The following RFX3 variants were observed in gnomAD, a reference collection of about 807,000 sequenced individuals.
RFX3 encodes the protein regulatory factor X3, also known as transcription factor RFX3.
A neutral mutation model predicts 98.6 loss-of-function variants in RFX3; 14 were observed. The ratio of observed to expected loss-of-function variants is 0.14; its 90% CI spans 0.09 to 0.22. RFX3 has a LOEUF of 0.22. Ranked by LOEUF, RFX3 falls within the 10% of genes least tolerant of loss-of-function variation. The probability of loss-of-function intolerance (pLI) is 1.00; values close to 1 mark genes in which losing one functional copy is unlikely to be tolerated. For missense variants in RFX3, 639 were observed against 926.9 expected (o/e 0.69, Z 4.03); for synonymous variants, 383 against 328.4 (o/e 1.17, Z -1.80).
intron 1 of RFX3, among the ~76,000 whole-genome samples, chr9:3,434,296 G>T (rs1587665495): frequency 6.6e-6 from 1 of 152,060 alleles, no homozygotes; most frequent in South Asian, 2.1e-4. Flanking sequence ...GCTTCTAACA[G>T]AATATACCAC....
chr9:3,224,864 C>T lies in RFX3; in HGVS notation c.*178G>A, dbSNP rs919841007. 8.9e-5 allele frequency: 47 copies of T among 529,356 alleles called. No homozygotes were observed. The highest frequency in any genetic ancestry group is 5.1e-4 in the African/African-American group (27 of 52,490). 32.8% of individuals were successfully genotyped at this position (529,356 alleles called of 1,614,324 possible). On this transcript the variant is annotated 3_prime_UTR_variant, in exon 17 of 17. Coordinates refer to ENST00000617270, the MANE Select transcript of RFX3 (RefSeq NM_001282116.2). ...TATTAAGAAGCAAATAATTTGTTTA[C>T]GTTAAAAAAAAAGATCTGGCAAAAT... is the stretch of plus-strand genomic sequence containing the variant.
chr9:3,228,897 A>C lies in RFX3; in HGVS notation c.1969-8T>G, dbSNP rs1818112990. The C allele has an allele frequency of 1.9e-6, 3 of 1,610,274 alleles. No individual in the cohort carries two copies. Among genetic ancestry groups the C allele is most frequent in the Non-Finnish European group, 1.7e-6 (2 of 1,178,362 alleles). The stretch of plus-strand genomic sequence containing the variant: ...GGCATTTAAATCACCAAACTGCAAA[A>C]CAATAGTCATTTGTGCAATAGTTAA... On this transcript the variant is annotated splice_polypyrimidine_tract_variant and splice_region_variant and intron_variant, in intron 15 of 16. Coordinates refer to ENST00000617270, the MANE Select transcript of RFX3 (RefSeq NM_001282116.2).
intron 2 of RFX3, among the ~76,000 whole-genome samples, chr9:3,356,011 T>C (rs1323122447): frequency 6.6e-6 from 1 of 151,814 alleles, no homozygotes; most frequent in Non-Finnish European, 1.5e-5. Flanking sequence ...AAATATATCA[T>C]AATTTTCAGA....
chr9:3,330,228 A>C lies in RFX3; in HGVS notation c.474+31T>G, dbSNP rs775310114. On this transcript the variant is annotated intron_variant, in intron 4 of 16. Coordinates refer to ENST00000617270, the MANE Select transcript of RFX3 (RefSeq NM_001282116.2). The stretch of plus-strand genomic sequence containing the variant: ...TGTTCATTAGAGACTATTAAAAGCT[A>C]AACTAAACTACTAAAAATTCAAATA... The C allele has an allele frequency of 6.2e-6, 10 of 1,611,338 alleles. No homozygotes were observed. The South Asian group carries it at 1.1e-4, about 18-fold the overall frequency.
chr9:3,386,024 C>A (rs1839681744), intron 2 of RFX3, among the ~76,000 whole-genome samples: 1 of 152,150 alleles, frequency 6.6e-6, no homozygotes, highest in African/African-American at 2.4e-5. Flanking sequence ...AAAGACACCA[C>A]CACCACCTCT....
At chr9:3,499,751 C>A (rs1815775074) in intron 1 of RFX3, among the ~76,000 whole-genome samples, 1 of 152,006 alleles carries the variant, frequency 6.6e-6, no homozygotes, top group African/African-American at 2.4e-5. Context: ...TCATAAAATA[C>A]CAAAGACCAC....
At chr9:3,425,658 T>C (rs1469463888) in intron 1 of RFX3, among the ~76,000 whole-genome samples, 2 of 152,180 alleles carry the variant, frequency 1.3e-5, no homozygotes, top group African/African-American at 2.4e-5. Context: ...TTTACTGAAC[T>C]TACTGGATGT....
chr9:3,509,436 T>A (rs543326052), intron 1 of RFX3, among the ~76,000 whole-genome samples: 1 of 151,990 alleles, frequency 6.6e-6, no homozygotes, highest in East Asian at 1.9e-4. Flanking sequence ...GACTGAAAAT[T>A]ATTTACACTA....
At chr9:3,424,401 G>T (rs573202644) in intron 1 of RFX3, among the ~76,000 whole-genome samples, 10 of 106,386 alleles carry the variant, frequency 9.4e-5, no homozygotes, top group African/African-American at 1.5e-4. Context: ...TCGCTCTGTC[G>T]CCCAGGCTGG....
intron 1 of RFX3, among the ~76,000 whole-genome samples, chr9:3,439,347 G>C (rs1375472183): frequency 6.6e-6 from 1 of 151,682 alleles, no homozygotes; most frequent in African/African-American, 2.4e-5. Context: ...ATAGAAAACA[G>C]AATAATAGAA....
At chr9:3,432,561 T>C (rs1844747412) in intron 1 of RFX3, among the ~76,000 whole-genome samples, 1 of 152,044 alleles carries the variant, frequency 6.6e-6, no homozygotes, top group Non-Finnish European at 1.5e-5. Flanking sequence ...AGCAAGGAAG[T>C]CATGAAAGAG....
intron 1 of RFX3, among the ~76,000 whole-genome samples, chr9:3,478,627 T>C (rs556287997): frequency 2.0e-5 from 3 of 152,304 alleles, no homozygotes; most frequent in South Asian, 2.1e-4. Flanking sequence ...TGATTTTCAC[T>C]TCCTGCTTAC....
At chr9:3,356,973 G>GCACACACA (rs200669491) in intron 2 of RFX3, among the ~76,000 whole-genome samples, 4 of 128,968 alleles carry the variant, frequency 3.1e-5, no homozygotes, top group Non-Finnish European at 6.5e-5. Flanking sequence ...GCACACACAC[G>GCACACACA]CACACACACA....
chr9:3,397,162 T>C (rs973566112), intron 1 of RFX3, among the ~76,000 whole-genome samples: 4 of 152,192 alleles, frequency 2.6e-5, no homozygotes, highest in African/African-American at 9.7e-5. Context: ...TGACCTGCCA[T>C]TGTTTACTCT....
At chr9:3,278,695 G>C (rs1243203805) in intron 7 of RFX3, among the ~76,000 whole-genome samples, 1 of 151,730 alleles carries the variant, frequency 6.6e-6, no homozygotes, top group African/African-American at 2.4e-5. Flanking sequence ...AATCAATCTT[G>C]GATGTTATCA....
intron 1 of RFX3, among the ~76,000 whole-genome samples, chr9:3,492,014 T>C (rs1159450573): frequency 6.6e-6 from 1 of 152,202 alleles, no homozygotes; most frequent in African/African-American, 2.4e-5. Context: ...TTTCTTTCTA[T>C]ATTCTACAAT....
intron 1 of RFX3, among the ~76,000 whole-genome samples, chr9:3,408,921 G>T (rs939618524): frequency 6.6e-6 from 1 of 152,102 alleles, no homozygotes; most frequent in Non-Finnish European, 1.5e-5. Flanking sequence ...TTTGCCAAAT[G>T]GCCAATTTGA....
chr9:3,504,317 T>C (rs1413234909), intron 1 of RFX3, among the ~76,000 whole-genome samples: 1 of 135,098 alleles, frequency 7.4e-6, no homozygotes, highest in African/African-American at 2.9e-5. Flanking sequence ...ATAGCATATA[T>C]TATATATAAA....
chr9:3,395,451 C>A (rs1460597151), intron 2 of RFX3, 21 bp downstream of exon 2: 1 of 1,608,298 alleles, frequency 6.2e-7, no homozygotes, highest in Non-Finnish European at 8.5e-7. Context: ...AGCATCTTTT[C>A]TAAGAGCAGC....
Sources: gnomAD v4.1 joint callset for allele counts (sites outside exome capture counted in the v4.1 genomes callset) on GRCh38, gnomAD v4.1.1 for gene constraint, MANE v1.5 for transcripts, NCBI Gene and HGNC (gene_info 2026-07-23, HGNC 2026-07-21) for gene names.